PPP1R3F: variants seen among roughly 807,000 people sequenced by gnomAD.
PPP1R3F encodes the protein protein phosphatase 1 regulatory subunit 3F.
In PPP1R3F, 29 loss-of-function variants were observed where a neutral mutation model predicts 24.2. The ratio of observed to expected loss-of-function variants is 1.20; its 90% CI spans 0.89 to 1.63. The LOEUF is 1.63. Among genes scored for constraint, PPP1R3F ranks in the 40% most tolerant of loss-of-function variants. The pLI, the probability that PPP1R3F is intolerant of heterozygous loss-of-function variation, is 0.00. For synonymous variants in PPP1R3F, 363 were observed against 340.1 expected (o/e 1.07, Z -0.74); for missense variants, 823 against 729.3 (o/e 1.13, Z -1.48).
chrX:49,282,442 T>A (rs1045589086), intron 3 of PPP1R3F, among the ~76,000 whole-genome samples: 71 of 66,289 alleles, frequency 1.1e-3, no homozygotes, highest in African/African-American at 3.5e-3. Flanking sequence ...GGTGAGAGAC[T>A]CTGTGTGTGT....
At chrX:49,290,233 G>A (rs1164987601), downstream of PPP1R3F, among the ~76,000 whole-genome samples, 2 of 111,655 alleles carry the variant, frequency 1.8e-5, no homozygotes, top group African/African-American at 6.5e-5. Flanking sequence ...GAACCACAGT[G>A]TAGGCGGCCT....
chrX:49,283,518 G>A (rs1288312928), intron 3 of PPP1R3F, among the ~76,000 whole-genome samples: 1 of 111,603 alleles, frequency 9.0e-6, no homozygotes, highest in African/African-American at 3.2e-5. Flanking sequence ...AAAATAAACG[G>A]TAATTCCTCA....
chrX:49,277,976 G>A (rs1463709294), intron 1 of PPP1R3F, among the ~76,000 whole-genome samples: 1 of 112,337 alleles, frequency 8.9e-6, no homozygotes, highest in Non-Finnish European at 1.9e-5. Flanking sequence ...AGAACGACTT[G>A]TTTGCTTCTG....
In PPP1R3F at chrX:49,297,183, ATTTT is replaced by A. The variant is rs1313270446; in HGVS notation, c.393-4166_393-4163del. The stretch of plus-strand genomic sequence containing the variant: ...TTGTAGGTCTCTAAGAACTTGCTTT[ATTTT>A]TATTTATTTATTTATTTATTTATTT... On this transcript the variant is annotated intron_variant, in intron 3 of 3. Transcript: ENST00000471261. Among the ~76,000 whole-genome samples the A allele has an allele frequency of 2.2e-4, 18 of 80,577 alleles. No individual in the cohort carries two copies. The Admixed American group carries it at 2.6e-3, about 12-fold the overall frequency. The allele number at this position is 80,577 out of a possible 115,157, so 70.0% of individuals were successfully genotyped here.
Position 49,270,199 on chromosome X carries a change from C to CG in PPP1R3F, c.336dup (p.Phe113ValfsTer139), listed in dbSNP as rs1557118692. On this transcript the variant is annotated frameshift_variant, in exon 1 of 4. Coordinates refer to ENST00000055335, the MANE Select transcript of PPP1R3F (RefSeq NM_033215.5). LOFTEE classifies it high-confidence loss of function. ...CACCGCTGTGCCCCGTCCCCGCTGG[C>CG]GGGGGGTTTTACCTGGTCCCCACAT... The CG allele has an allele frequency of 3.7e-6, 4 of 1,093,699 alleles. No individual in the cohort carries two copies. The highest frequency in any genetic ancestry group is 2.3e-5 in the South Asian group (1 of 42,575). The allele number at this position is 1,093,699 out of a possible 1,213,427, so 90.1% of individuals were successfully genotyped here. A position where few individuals can be genotyped will look rare whatever the true frequency, so the allele number is the denominator to read the frequency against.
chrX:49,270,735 C>T lies in PPP1R3F; in HGVS notation c.866C>T (p.Pro289Leu). Reference protein sequence around the residue: ...RNYTVLLRIAPAPTPTDAEGL... With the variant: ...RNYTVLLRIALAPTPTDAEGL... ...TACACAGTCCTGCTCCGGATCGCAC[C>T]CGCTCCCACACCCACTGATGCCGAA... Residue 289 changes from proline to leucine, a missense_variant, in exon 1 of 4, where the codon CCC (proline) becomes CTC (leucine). Physicochemically the swap from Pro to Leu is moderately conservative, Grantham distance 98. Transcript: ENST00000055335. 8.3e-7 allele frequency: 1 copy of T among 1,205,401 alleles called. No homozygotes were observed. Among genetic ancestry groups the T allele is most frequent in the Non-Finnish European group, 1.1e-6 (1 of 892,484 alleles).
chrX:49,285,091 A>G (rs1339060346), intron 3 of PPP1R3F, among the ~76,000 whole-genome samples: 8 of 111,090 alleles, frequency 7.2e-5, no homozygotes, highest in Non-Finnish European at 1.3e-4. Context: ...GTAAGTGTAT[A>G]TATTTATGGA....
intron 3 of PPP1R3F, among the ~76,000 whole-genome samples, chrX:49,294,056 T>C (rs2066316208): frequency 8.9e-6 from 1 of 111,833 alleles, no homozygotes; most frequent in Non-Finnish European, 1.9e-5. Context: ...AACTGCTTGA[T>C]TGATACCATT....
At chrX:49,301,366 G>A (rs1557123330) in exon 4 of PPP1R3F, 1 of 614,600 alleles carries the variant, frequency 1.6e-6, no homozygotes, top group Non-Finnish European at 2.5e-6. Context: ...AAGCAATCAC[G>A]GAGTTAAAAG....
chrX:49,270,351 C>T lies in PPP1R3F; in HGVS notation c.482C>T (p.Pro161Leu), dbSNP rs1557118795. Reference sequence around the variant, plus strand: ...GGGGTGTGGGTGCCTGGGGGCCGCCCGCCGGTGCTGCGCGGGTTGGTACGC... The same window carrying T: ...GGGGTGTGGGTGCCTGGGGGCCGCCTGCCGGTGCTGCGCGGGTTGGTACGC... ...GAGVWVPGGR[P>L]PVLRGLVRVL... Residue 161 changes from proline (P) to leucine (L), a missense_variant, in exon 1 of 4, where the codon CCG (proline) becomes CTG (leucine). Transcript: ENST00000055335. 10 of 1,145,001 alleles carry T rather than the reference C, an allele frequency of 8.7e-6. No homozygotes were observed. Among genetic ancestry groups the T allele is most frequent in the South Asian group, 3.9e-5 (2 of 51,555 alleles). The allele number at this position is 1,145,001 out of a possible 1,213,427, so 94.4% of individuals were successfully genotyped here.
downstream of PPP1R3F, among the ~76,000 whole-genome samples, chrX:49,289,536 C>T (rs2066302764): frequency 8.9e-6 from 1 of 111,784 alleles, no homozygotes; most frequent in Non-Finnish European, 1.9e-5. Context: ...AAAAAAGCTT[C>T]CACACTGATC....
intron 3 of PPP1R3F, among the ~76,000 whole-genome samples, chrX:49,300,961 A>G (rs1166053985): frequency 1.8e-5 from 2 of 112,190 alleles, no homozygotes; most frequent in Non-Finnish European, 3.8e-5. Context: ...ACCTCTAACC[A>G]TATCAAATGT....
intron 1 of PPP1R3F, 157 bp from the exon 2 acceptor site, chrX:49,281,248 AC>A (rs2066246787): frequency 2.9e-6 from 1 of 349,991 alleles, no homozygotes; most frequent in Admixed American, 5.6e-5. Flanking sequence ...AGGCTGTAGG[AC>A]TTTTAGGATG....
Position 49,285,946 on chromosome X carries a change from C to G in PPP1R3F, c.1256C>G (p.Pro419Arg), listed in dbSNP as rs782317619. 2 of 1,208,047 alleles carry G rather than the reference C, an allele frequency of 1.7e-6. No homozygotes were observed. Among genetic ancestry groups the G allele is most frequent in the Non-Finnish European group, 1.1e-6 (1 of 893,189 alleles). ...CAGGCACCGGCCATCAGGATTCCCCCCTCCTCCCCTCTCTGTGGCCTGGGT... is the reference window on the plus strand; with the variant it reads ...CAGGCACCGGCCATCAGGATTCCCCGCTCCTCCCCTCTCTGTGGCCTGGGT... ...VLQAPAIRIP[P>R]SSPLCGLGGS... is the part of the protein sequence containing the mutation. Residue 419 changes from proline to arginine, a missense_variant, in exon 4 of 4, where the codon CCC (proline) becomes CGC (arginine). Transcript: ENST00000055335.
At position 49,287,036 on chromosome X, in the gene PPP1R3F, C is replaced by T. The variant is rs373139942; in HGVS notation, c.2346C>T (p.Ser782=). The change falls in exon 4 of 4, where the codon AGC becomes AGT. Residue 782 remains serine, a synonymous_variant. Transcript: ENST00000055335. The part of the protein sequence containing the change: ...GLVVVPVALN[S]GVSLLVLALC... Reference sequence around the variant, plus strand: ...TGGTGGTCCCTGTGGCTCTGAACAGCGGTGTGTCCCTCCTGGTGCTTGCGC... The same window carrying T: ...TGGTGGTCCCTGTGGCTCTGAACAGTGGTGTGTCCCTCCTGGTGCTTGCGC... The T allele has an allele frequency of 1.5e-5, 18 of 1,210,504 alleles. No individual in the cohort carries two copies. The highest frequency in any genetic ancestry group is 7.0e-5 in the African/African-American group (4 of 57,530).
At chrX:49,285,415 C>T (rs960455825) in intron 3 of PPP1R3F, among the ~76,000 whole-genome samples, 1 of 110,928 alleles carries the variant, frequency 9.0e-6, no homozygotes, top group South Asian at 3.8e-4. Context: ...AGGCTGGTCT[C>T]GAACTCCTAG....
chrX:49,286,205 G>A lies in PPP1R3F; in HGVS notation c.1515G>A (p.Ala505=), dbSNP rs1417359838. The change falls in exon 4 of 4, where the codon GCG becomes GCA. Residue 505 remains alanine, a synonymous_variant. Coordinates refer to ENST00000055335, the MANE Select transcript of PPP1R3F (RefSeq NM_033215.5). ...HLSRLRAAVA[A]GGAGGGGEGS... ...GCCGCCTACGGGCTGCTGTGGCTGC[G>A]GGTGGGGCAGGGGGTGGTGGGGAGG... is the stretch of plus-strand genomic sequence containing the variant. 3 of 1,206,437 alleles carry A rather than the reference G, an allele frequency of 2.5e-6. No individual in the cohort carries two copies. Among genetic ancestry groups the A allele is most frequent in the South Asian group, 1.8e-5 (1 of 56,140 alleles).
chrX:49,281,508 T>C, intron 2 of PPP1R3F, 47 bp downstream of exon 2: 2 of 1,015,827 alleles, frequency 2.0e-6, no homozygotes, highest in Non-Finnish European at 2.8e-6. Flanking sequence ...ATTTACCATG[T>C]CTTTCTTCCT....
At chrX:49,285,190 A>G (rs1165763621) in intron 3 of PPP1R3F, among the ~76,000 whole-genome samples, 2 of 109,927 alleles carry the variant, frequency 1.8e-5, no homozygotes, top group Non-Finnish European at 3.8e-5. Flanking sequence ...TGTGTGTTAC[A>G]AACAATCCAC....
Sources: gnomAD v4.1 joint callset for allele counts (sites outside exome capture counted in the v4.1 genomes callset) on GRCh38, gnomAD v4.1.1 for gene constraint, MANE v1.5 for transcripts, NCBI Gene and HGNC (gene_info 2026-07-23, HGNC 2026-07-21) for gene names.